SULT2A1: variants seen among roughly 807,000 people sequenced by gnomAD.
SULT2A1 encodes sulfotransferase family 2A member 1.
SULT2A1 carries 43 observed loss-of-function variants against 33.9 expected under a neutral mutation model. The observed-to-expected ratio is 1.27, with a 90% CI of 1.00 to 1.64. SULT2A1 has a LOEUF of 1.64. Ranked by LOEUF, SULT2A1 falls within the 40% of genes most tolerant of loss-of-function variation. SULT2A1 has a pLI of 0.00. For synonymous variants in SULT2A1, 125 were observed against 113.6 expected, an observed-to-expected ratio of 1.10 and a Z score of -0.64; for missense variants, 300 against 335.1, an observed-to-expected ratio of 0.90 and a Z score of 0.82.
At chr19:47,873,482 G>A (rs1968512122) in intron 5 of SULT2A1, among the ~76,000 whole-genome samples, 1 of 151,778 alleles carries the variant, frequency 6.6e-6, no homozygotes. Context: ...TGGAAAAATG[G>A]ATTCTTTCAC....
At chr19:47,875,696 G>T (rs1156363381) in intron 4 of SULT2A1, among the ~76,000 whole-genome samples, 1 of 152,126 alleles carries the variant, frequency 6.6e-6, no homozygotes, top group Admixed American at 6.6e-5. Flanking sequence ...CACAAAAGAT[G>T]CAAGGATCAT....
At chr19:47,874,583 A>C in intron 5 of SULT2A1, 74 bp downstream of exon 5, 8 of 799,880 alleles carry the variant, frequency 1.0e-5, no homozygotes, top group South Asian at 1.7e-5. Context: ...CTCAACTGTT[A>C]GCGCCCAGTT....
At chr19:47,877,289 T>A (rs1600033048) in intron 4 of SULT2A1, among the ~76,000 whole-genome samples, 2 of 149,496 alleles carry the variant, frequency 1.3e-5, no homozygotes, top group Admixed American at 1.3e-4. Flanking sequence ...CAGGCTGGAG[T>A]GCAATGGCAT....
At chr19:47,884,706 G>C (rs1011971612) in intron 1 of SULT2A1, among the ~76,000 whole-genome samples, 24 of 151,690 alleles carry the variant, frequency 1.6e-4, no homozygotes, top group Admixed American at 4.6e-4. Flanking sequence ...ATGTTGCCCA[G>C]GCTGGTCTTG....
At chr19:47,884,312 C>CA (rs1183525406) in intron 1 of SULT2A1, among the ~76,000 whole-genome samples, 4 of 151,080 alleles carry the variant, frequency 2.6e-5, no homozygotes, top group African/African-American at 9.7e-5. Flanking sequence ...GCTGGGACTA[C>CA]AGGCGCCCAC....
At position 47,879,114 on chromosome 19, in the gene SULT2A1, C is replaced by T; in HGVS notation, c.489G>A (p.Trp163Ter). 6.2e-7 allele frequency: 1 copy of T among 1,612,938 alleles called. No homozygotes were observed. Among genetic ancestry groups the T allele is most frequent in the Non-Finnish European group, 8.5e-7 (1 of 1,179,002 alleles). The change falls in exon 4 of 6, where the codon TGG becomes TGA. Residue 163 changes from tryptophan (W) to a stop codon, truncating the protein, a stop_gained. Transcript: ENST00000222002. LOFTEE classifies it high-confidence loss of function. Reference protein sequence around the residue: ...FCQGTVLYGSWFDHIHGWMPM... With the variant: ...FCQGTVLYGS ...GCATCCAGCCATGAATGTGGTCAAA[C>T]CATGACCCATATAGCACTGCATGGG... is the stretch of plus-strand genomic sequence containing the variant.
At chr19:47,871,997 A>C (rs890378610) in intron 5 of SULT2A1, among the ~76,000 whole-genome samples, 3 of 151,470 alleles carry the variant, frequency 2.0e-5, no homozygotes, top group Non-Finnish European at 4.4e-5. Flanking sequence ...GGCTCACTGC[A>C]ACCTCTGCCT....
Position 47,883,524 on chromosome 19 carries a change from T to C in SULT2A1, c.345+53A>G, listed in dbSNP as rs1050614559. 3.3e-6 allele frequency: 5 copies of C among 1,533,348 alleles called. No individual in the cohort carries two copies. In the African/African-American group the frequency reaches 4.1e-5, roughly 13 times the overall value. 95.0% of individuals were successfully genotyped at this position (1,533,348 alleles called of 1,614,324 possible). ...AAGATCTCCAGATGACTTATAGGCA[T>C]ATCAGTGTTTGAAAGGCACTGATCA... is the stretch of plus-strand genomic sequence containing the variant. On this transcript the variant is annotated intron_variant, in intron 2 of 5. Coordinates refer to ENST00000222002, the MANE Select transcript of SULT2A1 (RefSeq NM_003167.4).
chr19:47,884,830 T>TTTTTTA (rs1968640261), intron 1 of SULT2A1, among the ~76,000 whole-genome samples: 1 of 141,136 alleles, frequency 7.1e-6, no homozygotes, highest in African/African-American at 2.7e-5. Context: ...TTTTTTTTTT[T>TTTTTTA]GAGACAGAGT....
rs544733723 is a variant in SULT2A1 at position 47,879,053 on chromosome 19, A to G, written c.550T>C (p.Tyr184His). 5 of 1,612,212 alleles carry G rather than the reference A, an allele frequency of 3.1e-6. No homozygotes were observed. The highest frequency in any genetic ancestry group is 4.2e-6 in the Non-Finnish European group (5 of 1,178,318). ...REEKNFLLLS[Y>H]EELKQDTGRT... Reference sequence around the variant, plus strand: ...GGGATTACCTGTTTCAGCTCCTCATAACTCAGTAACAGGAAGTTTTTCTCC... The same window carrying G: ...GGGATTACCTGTTTCAGCTCCTCATGACTCAGTAACAGGAAGTTTTTCTCC... Residue 184 changes from tyrosine (Y) to histidine (H), a missense_variant, in exon 4 of 6, where the codon TAT (tyrosine) becomes CAT (histidine). Transcript: ENST00000222002.
At chr19:47,871,954 A>G (rs746696072) in intron 5 of SULT2A1, among the ~76,000 whole-genome samples, 19 of 149,742 alleles carry the variant, frequency 1.3e-4, no homozygotes, top group East Asian at 7.8e-4. Context: ...GTCTTGCTCT[A>G]TCCCTCAGGC....
rs188600963 is a variant in SULT2A1, at chr19:47,884,347, T to A, written c.137-562A>T. ...CCACCACGTCTGGCTAATTTTTTTT[T>A]TAATATATTTTTAGTAGAGATGGGG... On this transcript the variant is annotated intron_variant, in intron 1 of 5. Coordinates refer to ENST00000222002, the MANE Select transcript of SULT2A1 (RefSeq NM_003167.4). Among the ~76,000 whole-genome samples the A allele has an allele frequency of 6.0e-3, 905 of 151,166 alleles. 9 individuals are homozygous for A. The highest frequency in any genetic ancestry group is 0.019 in the African/African-American group (772 of 41,326).
At chr19:47,882,001 T>G in intron 3 of SULT2A1, 83 bp downstream of exon 3, 1,454 of 1,523,108 alleles carry the variant, frequency 9.5e-4, no homozygotes, top group Non-Finnish European at 1.2e-3. Context: ...CATGGGTTGG[T>G]GAGATGTAGA....
intron 4 of SULT2A1, among the ~76,000 whole-genome samples, chr19:47,875,633 G>C (rs1600031230): frequency 6.6e-6 from 1 of 152,020 alleles, no homozygotes. Flanking sequence ...GTGAGACCCT[G>C]TCTCAAAAAC....
chr19:47,884,104 C>CAAAAA (rs532247197), intron 1 of SULT2A1, among the ~76,000 whole-genome samples: 6 of 116,174 alleles, frequency 5.2e-5, no homozygotes, highest in African/African-American at 1.9e-4. Context: ...GACTCAGTCT[C>CAAAAA]AAAAAAAAAA....
At chr19:47,884,899 A>G (rs897851533) in intron 1 of SULT2A1, among the ~76,000 whole-genome samples, 5 of 130,218 alleles carry the variant, frequency 3.8e-5, no homozygotes, top group African/African-American at 1.5e-4. Flanking sequence ...TGCCACCTCC[A>G]TCTCCTGGGT....
rs1032191564 is a variant in SULT2A1, at chr19:47,871,481, G to A, written c.832C>T (p.Pro278Ser). ...KLFQEKMADLPRELFPWE is the reference protein window; with the variant it reads ...KLFQEKMADLSRELFPWE ...TATTCCCATGGGAACAGCTCTCGAGGAAGATCTGCCATCTTCTCTTGGAAC... is the reference window on the plus strand; with the variant it reads ...TATTCCCATGGGAACAGCTCTCGAGAAAGATCTGCCATCTTCTCTTGGAAC... The change falls in exon 6 of 6, where the codon CCT becomes TCT. Residue 278 changes from proline (P) to serine (S), a missense_variant. Coordinates refer to ENST00000222002, the MANE Select transcript of SULT2A1 (RefSeq NM_003167.4). 3.7e-6 allele frequency: 6 copies of A among 1,613,892 alleles called. No individual in the cohort carries two copies. The highest frequency in any genetic ancestry group is 3.3e-4 in the Middle Eastern group (2 of 6,084).
Position 47,871,431 on chromosome 19 carries a change from A to T in SULT2A1, c.*24T>A, listed in dbSNP as rs899431218. The T allele has an allele frequency of 2.3e-5, 35 of 1,540,302 alleles. No individual in the cohort carries two copies. Among genetic ancestry groups the T allele is most frequent in the Non-Finnish European group, 3.1e-5 (34 of 1,112,952 alleles). On this transcript the variant is annotated 3_prime_UTR_variant, in exon 6 of 6. Transcript: ENST00000222002. ...CAGGAGAATCAATGTCATTCTCCAT[A>T]TAAGATCCAGAGTGTTTTGGACGTT...
intron 4 of SULT2A1, among the ~76,000 whole-genome samples, chr19:47,876,230 G>T (rs1349316484): frequency 6.6e-6 from 1 of 152,062 alleles, no homozygotes; most frequent in Non-Finnish European, 1.5e-5. Context: ...TGGCCAAGCT[G>T]GGTTCCAACT....
Sources: gnomAD v4.1 joint callset for allele counts (sites outside exome capture counted in the v4.1 genomes callset) on GRCh38, gnomAD v4.1.1 for gene constraint, MANE v1.5 for transcripts, NCBI Gene and HGNC (gene_info 2026-07-23, HGNC 2026-07-21) for gene names.